Variants in CFTR observed in about 807,000 individuals in gnomAD.
CFTR encodes CF transmembrane conductance regulator.
CFTR carries 181 observed loss-of-function variants against 171.6 expected under a neutral mutation model. That is an observed-to-expected ratio of 1.05 (90% CI 0.93 to 1.19). The LOEUF (loss-of-function observed/expected upper bound fraction) is 1.19, where lower values mean the gene tolerates loss of function less well. Among genes scored for constraint, CFTR ranks in the 50% most tolerant of loss-of-function variants. CFTR has a pLI of 0.00. For missense variants in CFTR, 1,968 were observed against 1,734.7 expected, an observed-to-expected ratio of 1.13 and a Z score of -2.39; for synonymous variants, 583 against 608.0, an observed-to-expected ratio of 0.96 and a Z score of 0.60.
At chr7:117,563,418 A>C (rs1266129785) in intron 11 of CFTR, among the ~76,000 whole-genome samples, 2 of 152,184 alleles carry the variant, frequency 1.3e-5, no homozygotes, top group African/African-American at 4.8e-5. Flanking sequence ...AATTCTGGGA[A>C]GATAAGAAAT....
At chr7:117,636,489 T>A (rs1792828655) in intron 22 of CFTR, among the ~76,000 whole-genome samples, 1 of 152,158 alleles carries the variant, frequency 6.6e-6, no homozygotes, top group Non-Finnish European at 1.5e-5. Flanking sequence ...TTCTGTTCTT[T>A]TTTTTCCTTT....
At chr7:117,576,458 C>T (rs1348427640) in intron 11 of CFTR, among the ~76,000 whole-genome samples, 1 of 151,950 alleles carries the variant, frequency 6.6e-6, no homozygotes. Flanking sequence ...AATACTACCC[C>T]ATTTATATAA....
intron 10 of CFTR, among the ~76,000 whole-genome samples, chr7:117,553,116 C>A (rs1799298561): frequency 6.6e-6 from 1 of 152,116 alleles, no homozygotes; most frequent in African/African-American, 2.4e-5. Context: ...CCCAAATCTG[C>A]TGGCACCTTG....
At chr7:117,492,423 A>G (rs1441515570) in intron 1 of CFTR, among the ~76,000 whole-genome samples, 1 of 151,934 alleles carries the variant, frequency 6.6e-6, no homozygotes, top group Non-Finnish European at 1.5e-5. Context: ...AATCAGTGTC[A>G]TCATGTGGGC....
rs190809940 is a variant in CFTR at position 117,545,622 on chromosome 7, C to T, written c.1210-3019C>T. 3.1e-3 allele frequency among the ~76,000 whole-genome samples: 475 copies of T among 152,234 alleles called. 3 individuals are homozygous for T. Among genetic ancestry groups the T allele is most frequent in the South Asian group, 7.3e-3 (35 of 4,822 alleles). ...AGTCCCTGGTGAGTTATATACAACTCCTCCCTTGCTCCAAACCTGAGAGTA... is the reference window on the plus strand; with the variant it reads ...AGTCCCTGGTGAGTTATATACAACTTCTCCCTTGCTCCAAACCTGAGAGTA... On this transcript the variant is annotated intron_variant, in intron 9 of 26. Transcript: ENST00000003084.
intron 21 of CFTR, among the ~76,000 whole-genome samples, chr7:117,622,840 A>G (rs1186331196): frequency 1.3e-5 from 2 of 152,226 alleles, no homozygotes; most frequent in Non-Finnish European, 2.9e-5. Context: ...AAGAAAATCA[A>G]GAATTGTTTT....
At chr7:117,552,933 TG>T (rs1799296240) in intron 10 of CFTR, among the ~76,000 whole-genome samples, 1 of 152,146 alleles carries the variant, frequency 6.6e-6, no homozygotes, top group African/African-American at 2.4e-5. Context: ...GTGGGGCCTT[TG>T]GGAGGTGATT....
At chr7:117,562,758 A>C (rs915765927) in intron 11 of CFTR, among the ~76,000 whole-genome samples, 5 of 152,192 alleles carry the variant, frequency 3.3e-5, no homozygotes, top group African/African-American at 4.8e-5. Flanking sequence ...GCACTACAGA[A>C]GCCTAGCTGA....
At chr7:117,555,117 C>A (rs757316090) in intron 10 of CFTR, among the ~76,000 whole-genome samples, 3 of 151,186 alleles carry the variant, frequency 2.0e-5, no homozygotes, top group Non-Finnish European at 4.4e-5. Context: ...AACTGTCTAG[C>A]CTAGAAATAC....
chr7:117,541,403 C>T lies in CFTR; in HGVS notation c.1117-613C>T, dbSNP rs1398030463. Among the ~76,000 whole-genome samples, 1 of 152,106 alleles carries T rather than the reference C, an allele frequency of 6.6e-6. No homozygotes were observed. The highest frequency in any genetic ancestry group is 1.5e-5 in the Non-Finnish European group (1 of 68,002). On this transcript the variant is annotated intron_variant, in intron 8 of 26. Transcript: ENST00000003084. ...AGGAGCAGAGAAGAAAATGAAGAAG[C>T]AAGGCAAGGACCAGGCTTTTTCATT...
chr7:117,548,227 T>C (rs1483640901), intron 9 of CFTR, among the ~76,000 whole-genome samples: 1 of 152,146 alleles, frequency 6.6e-6, no homozygotes, highest in Non-Finnish European at 1.5e-5. Flanking sequence ...ATTTAACTGC[T>C]GAGTCACAGT....
rs1239044735 is a variant in CFTR at position 117,592,149 on chromosome 7, T to C, written c.1982T>C (p.Ile661Thr). ...DQFSAERRNS[I>T]LTETLHRFSL... ...TTTAGTGCAGAAAGAAGAAATTCAA[T>C]CCTAACTGAGACCTTACACCGTTTC... The change falls in exon 14 of 27, where the codon ATC (isoleucine) becomes ACC (threonine). Residue 661 changes from isoleucine to threonine, a missense_variant. Physicochemically the swap from Ile to Thr is moderately conservative, Grantham distance 89. Coordinates refer to ENST00000003084, the MANE Select transcript of CFTR (RefSeq NM_000492.4). The C allele has an allele frequency of 6.2e-7, 1 of 1,613,964 alleles. No individual in the cohort carries two copies. Among genetic ancestry groups the C allele is most frequent in the Admixed American group, 1.7e-5 (1 of 60,014 alleles).
chr7:117,551,946 G>A (rs1211073637), intron 10 of CFTR, among the ~76,000 whole-genome samples: 1 of 152,026 alleles, frequency 6.6e-6, no homozygotes, highest in East Asian at 1.9e-4. Flanking sequence ...GGACTCATAT[G>A]TATAGAATAA....
chr7:117,485,724 A>G (rs2116611640), intron 1 of CFTR, among the ~76,000 whole-genome samples: 1 of 152,232 alleles, frequency 6.6e-6, no homozygotes, highest in South Asian at 2.1e-4. Context: ...AGCTGTATTC[A>G]AGTTGCAAGG....
chr7:117,606,526 A>G, intron 17 of CFTR, 148 bp from the exon 18 acceptor site: 1 of 610,900 alleles, frequency 1.6e-6, no homozygotes, highest in East Asian at 2.8e-5. Flanking sequence ...GAAAGAAACA[A>G]AAATTTCTAA....
intron 4 of CFTR, among the ~76,000 whole-genome samples, chr7:117,532,907 C>T (rs529386688): frequency 6.6e-6 from 1 of 152,250 alleles, no homozygotes; most frequent in South Asian, 2.1e-4. Flanking sequence ...CTCATGCTTT[C>T]CCATATCTGA....
chr7:117,656,734 G>C (rs938617812), intron 24 of CFTR, among the ~76,000 whole-genome samples: 1 of 152,162 alleles, frequency 6.6e-6, no homozygotes, highest in Non-Finnish European at 1.5e-5. Flanking sequence ...GGCAGAATAG[G>C]ATCAGGGGAC....
chr7:117,630,608 C>T (rs1792725866), intron 22 of CFTR, among the ~76,000 whole-genome samples: 1 of 152,150 alleles, frequency 6.6e-6, no homozygotes. Flanking sequence ...CAGGCCACCA[C>T]AAAGGAACTG....
intron 3 of CFTR, among the ~76,000 whole-genome samples, chr7:117,520,162 T>G (rs1798663399): frequency 6.6e-6 from 1 of 151,844 alleles, no homozygotes; most frequent in Non-Finnish European, 1.5e-5. Context: ...TTGCCTTTCA[T>G]GTTCTTTGTG....
Sources: allele counts gnomAD v4.1 joint callset (sites outside exome capture counted in the v4.1 genomes callset), GRCh38; gene constraint gnomAD v4.1.1; transcripts MANE v1.5; gene names NCBI Gene and HGNC (gene_info 2026-07-23, HGNC 2026-07-21).